Variants in POU6F2 observed in about 807,000 individuals in gnomAD.
The protein encoded by POU6F2 is POU class 6 homeobox 2, also known as POU domain, class 6, transcription factor 2.
A neutral mutation model predicts 71.3 loss-of-function variants in POU6F2; 31 were observed. The ratio of observed to expected loss-of-function variants is 0.43; its 90% CI spans 0.33 to 0.59. The LOEUF (loss-of-function observed/expected upper bound fraction) is 0.59, where lower values mean the gene tolerates loss of function less well. POU6F2 is among the 20% of genes least tolerant of loss of function. POU6F2 has a pLI of 0.04. For synonymous variants in POU6F2, 347 were observed against 355.7 expected, an observed-to-expected ratio of 0.98 and a Z score of 0.27; for missense variants, 783 against 856.8, an observed-to-expected ratio of 0.91 and a Z score of 1.07.
At chr7:39,419,411 G>A (rs963202561) in intron 6 of POU6F2, among the ~76,000 whole-genome samples, 46 of 151,624 alleles carry the variant, frequency 3.0e-4, no homozygotes, top group African/African-American at 9.5e-4. Flanking sequence ...ACTAATTTTC[G>A]TATTTTTTAA....
rs1447305654 is a variant in POU6F2, at chr7:39,221,391, T to TC, written c.598+13771_598+13772insC. On this transcript the variant is annotated intron_variant, in intron 4 of 9. Transcript: ENST00000518318. ...CTAAAATTCTCTCTCTCTCTTTTTT[T>TC]TTTTTTTTTTTTTTTTTGAGACAGT... Among the ~76,000 whole-genome samples, 16 of 142,306 alleles carry TC rather than the reference T, an allele frequency of 1.1e-4. 1 individual carries two copies. Among genetic ancestry groups the TC allele is most frequent in the Non-Finnish European group, 9.2e-5 (6 of 65,172 alleles). 93.4% of individuals were successfully genotyped at this position (142,306 alleles called of 152,430 possible).
chr7:39,023,530 A>G (rs1311243079), intron 1 of POU6F2, among the ~76,000 whole-genome samples: 1 of 152,060 alleles, frequency 6.6e-6, no homozygotes, highest in Admixed American at 6.6e-5. Context: ...CCTATAATGT[A>G]CAGGACAGTC....
At chr7:38,989,055 G>A (rs551653762) in intron 1 of POU6F2, among the ~76,000 whole-genome samples, 5 of 152,042 alleles carry the variant, frequency 3.3e-5, no homozygotes, top group Non-Finnish European at 5.9e-5. Context: ...TGGTAGACCC[G>A]TTGGGGAGTG....
At chr7:39,361,756 CT>C (rs1786393986) in intron 5 of POU6F2, among the ~76,000 whole-genome samples, 1 of 152,188 alleles carries the variant, frequency 6.6e-6, no homozygotes, top group Admixed American at 6.5e-5. Context: ...ATGTGTTTCT[CT>C]CACCATTTCT....
chr7:39,069,117 G>T (rs1790822437), intron 1 of POU6F2, among the ~76,000 whole-genome samples: 1 of 152,128 alleles, frequency 6.6e-6, no homozygotes, highest in Non-Finnish European at 1.5e-5. Context: ...GTTGACAATG[G>T]GTGGGGAGGA....
At chr7:39,207,685 C>CAA in intron 4 of POU6F2, 65 bp downstream of exon 4, 1 of 1,364,306 alleles carries the variant, frequency 7.3e-7, no homozygotes, top group Non-Finnish European at 9.9e-7. Flanking sequence ...CTGAAGTGGG[C>CAA]AAAAAAAAAT....
intron 2 of POU6F2, among the ~76,000 whole-genome samples, chr7:39,186,054 G>A (rs1167728655): frequency 6.6e-6 from 1 of 151,980 alleles, no homozygotes; most frequent in Non-Finnish European, 1.5e-5. Flanking sequence ...GGGATTACAG[G>A]CACTCACTAC....
At chr7:39,416,130 ACACACACACT>A (rs1787668127) in intron 6 of POU6F2, among the ~76,000 whole-genome samples, 2 of 150,140 alleles carry the variant, frequency 1.3e-5, no homozygotes, top group South Asian at 4.2e-4. Flanking sequence ...ACACACACAC[ACACACACACT>A]AGAAAACTGT....
At chr7:39,181,537 A>G (rs1266987742) in intron 2 of POU6F2, among the ~76,000 whole-genome samples, 1 of 152,180 alleles carries the variant, frequency 6.6e-6, no homozygotes, top group African/African-American at 2.4e-5. Flanking sequence ...GGGAACAGAT[A>G]TATCTTTTGG....
At chr7:39,328,338 T>C (rs1478424599) in intron 4 of POU6F2, among the ~76,000 whole-genome samples, 2 of 152,260 alleles carry the variant, frequency 1.3e-5, no homozygotes, top group Non-Finnish European at 2.9e-5. Flanking sequence ...ATTGGACACT[T>C]GTTTTTCATG....
intron 2 of POU6F2, among the ~76,000 whole-genome samples, chr7:39,130,026 C>T (rs1792229943): frequency 7.0e-6 from 1 of 143,790 alleles, no homozygotes; most frequent in Non-Finnish European, 1.5e-5. Context: ...AAAATCGTGC[C>T]ACTGCACTCT....
intron 2 of POU6F2, among the ~76,000 whole-genome samples, chr7:39,125,657 G>C (rs1243658440): frequency 2.6e-5 from 4 of 152,040 alleles, no homozygotes; most frequent in Non-Finnish European, 5.9e-5. Context: ...GAAGCATAAA[G>C]AAAGCCCATT....
intron 1 of POU6F2, chr7:39,002,058 G>A (rs859554): frequency 0.23 from 34,393 of 152,130 alleles, 4,139 homozygotes; most frequent in Middle Eastern, 0.32. Context: ...TCCTTGACAT[G>A]TTATCAAAGA....
chr7:39,078,846 C>G (rs1034645995), intron 1 of POU6F2, among the ~76,000 whole-genome samples: 2 of 152,118 alleles, frequency 1.3e-5, no homozygotes, highest in Non-Finnish European at 2.9e-5. Flanking sequence ...TGCCTGGCTA[C>G]TGGGAAATGA....
chr7:39,114,909 CAT>C (rs1023876585), intron 2 of POU6F2, among the ~76,000 whole-genome samples: 7 of 152,136 alleles, frequency 4.6e-5, no homozygotes, highest in African/African-American at 1.2e-4. Flanking sequence ...AGCACATAGA[CAT>C]GTGTGTGTTT....
chr7:39,011,181 G>T (rs1045729649), intron 1 of POU6F2, among the ~76,000 whole-genome samples: 1 of 139,702 alleles, frequency 7.2e-6, no homozygotes, highest in African/African-American at 2.7e-5. Flanking sequence ...AGGTCACTCA[G>T]GACTTGCTTT....
rs142140066 is a variant in POU6F2 at position 39,302,830 on chromosome 7, T to G, written c.599-36812T>G. Among the ~76,000 whole-genome samples, 307 of 152,324 alleles carry G rather than the reference T, an allele frequency of 2.0e-3. 5 individuals carry two copies. The highest frequency in any genetic ancestry group is 6.8e-3 in the Middle Eastern group (2 of 294). ...CACACAGTAGGCATACAACAATGAC[T>G]GAGTGATGAGTGACTGAACGTCAGA... On this transcript the variant is annotated intron_variant, in intron 4 of 9. Transcript: ENST00000518318.
At chr7:39,376,017 T>G (rs993837428) in intron 5 of POU6F2, among the ~76,000 whole-genome samples, 26 of 152,290 alleles carry the variant, frequency 1.7e-4, no homozygotes, top group Admixed American at 1.4e-3. Flanking sequence ...AAAACCTCAG[T>G]TTCCTCATCT....
intron 4 of POU6F2, among the ~76,000 whole-genome samples, chr7:39,292,338 T>C (rs4509216): frequency 0.46 from 69,619 of 151,976 alleles, 16,797 homozygotes; most frequent in Admixed American, 0.59. Context: ...CTGATTACCA[T>C]GTTCATTGTG....
Sources: gnomAD v4.1 joint callset for allele counts (sites outside exome capture counted in the v4.1 genomes callset) on GRCh38, gnomAD v4.1.1 for gene constraint, MANE v1.5 for transcripts, NCBI Gene and HGNC (gene_info 2026-07-23, HGNC 2026-07-21) for gene names.